The following SHROOM3 variants were observed in gnomAD, a reference collection of about 807,000 sequenced individuals.
SHROOM3 encodes shroom family member 3.
SHROOM3 carries 47 observed loss-of-function variants against 138.6 expected under a neutral mutation model. The ratio of observed to expected loss-of-function variants is 0.34; its 90% CI spans 0.27 to 0.43. The LOEUF (loss-of-function observed/expected upper bound fraction) is 0.43. Among genes scored for constraint, SHROOM3 ranks in the 20% least tolerant of loss-of-function variants. The probability of loss-of-function intolerance (pLI) is 1.00; values close to 1 mark genes in which losing one functional copy is unlikely to be tolerated. For missense variants in SHROOM3, 2,491 were observed against 2,596.5 expected, an observed-to-expected ratio of 0.96 and a Z score of 0.88; for synonymous variants, 1,062 against 1,063.3, an observed-to-expected ratio of 1.00 and a Z score of 0.02.
intron 2 of SHROOM3, among the ~76,000 whole-genome samples, chr4:76,632,527 G>A (rs1273122647): frequency 1.3e-5 from 2 of 152,172 alleles, no homozygotes; most frequent in Admixed American, 1.3e-4. Flanking sequence ...TCATTGACTT[G>A]GCAAGAGGTG....
chr4:76,656,822 C>T (rs935729162), intron 2 of SHROOM3, among the ~76,000 whole-genome samples: 2 of 152,136 alleles, frequency 1.3e-5, no homozygotes, highest in African/African-American at 2.4e-5. Context: ...AATCATCTTA[C>T]CTTCAAGAGT....
At chr4:76,494,151 C>T (rs1328756867) in intron 1 of SHROOM3, among the ~76,000 whole-genome samples, 1 of 127,974 alleles carries the variant, frequency 7.8e-6, no homozygotes, top group Non-Finnish European at 1.7e-5. Flanking sequence ...GGTGTGTGCC[C>T]CAGATTGATT....
intron 6 of SHROOM3, 72 bp from the exon 7 acceptor site, chr4:76,754,239 G>A (rs1321528433): frequency 6.3e-7 from 1 of 1,587,560 alleles, no homozygotes; most frequent in Non-Finnish European, 8.6e-7. Flanking sequence ...TCTCATCTAT[G>A]TAAGGAGCAT....
chr4:76,705,649 T>C (rs1720028853), intron 2 of SHROOM3, among the ~76,000 whole-genome samples: 1 of 152,250 alleles, frequency 6.6e-6, no homozygotes, highest in South Asian at 2.1e-4. Context: ...CTTGTTTAAC[T>C]ATCTGGAAGA....
At chr4:76,663,326 C>T (rs910152298) in intron 2 of SHROOM3, among the ~76,000 whole-genome samples, 1 of 151,896 alleles carries the variant, frequency 6.6e-6, no homozygotes, top group Admixed American at 6.6e-5. Context: ...TCACTCAACC[C>T]GGGGACCCTG....
intron 1 of SHROOM3, among the ~76,000 whole-genome samples, chr4:76,455,650 G>A (rs898332436): frequency 2.0e-5 from 3 of 152,020 alleles, no homozygotes; most frequent in African/African-American, 7.2e-5. Context: ...AAGGGTCAAA[G>A]AATATATAGA....
chr4:76,579,104 C>T (rs1354768081), intron 2 of SHROOM3, among the ~76,000 whole-genome samples: 1 of 152,044 alleles, frequency 6.6e-6, no homozygotes, highest in Non-Finnish European at 1.5e-5. Flanking sequence ...CGCTTGAGCC[C>T]GGGAGGTCAA....
intron 1 of SHROOM3, among the ~76,000 whole-genome samples, chr4:76,449,286 T>G (rs937117867): frequency 6.6e-6 from 1 of 152,186 alleles, no homozygotes; most frequent in African/African-American, 2.4e-5. Context: ...TTATTTATAT[T>G]GCTTCTTTTC....
Position 76,782,008 on chromosome 4 carries a change from C to G in SHROOM3, c.*2831C>G, listed in dbSNP as rs558322850. On this transcript the variant is annotated 3_prime_UTR_variant, in exon 11 of 11. Transcript: ENST00000296043. ...AATACTCCAAATGCAGATACTCCAG[C>G]CACCCGCAAGGTTCCAGGAAAGGAC... 4.6e-5 allele frequency: 7 copies of G among 152,316 alleles called. No homozygotes were observed. In the South Asian group the frequency reaches 1.0e-3, roughly 23 times the overall value. The allele number at this position is 152,316 out of a possible 1,614,324, so 9.4% of individuals were successfully genotyped here.
chr4:76,754,503 A>C lies in SHROOM3; in HGVS notation c.4020A>C (p.Gln1340His). The C allele has an allele frequency of 6.2e-7, 1 of 1,614,018 alleles. No homozygotes were observed. Among genetic ancestry groups the C allele is most frequent in the Middle Eastern group, 1.6e-4 (1 of 6,062 alleles). ...PCPRPPLAGT[Q>H]GLVTDTRAAP... is the part of the protein sequence containing the mutation. ...CCAGGCCACCACTGGCAGGAACGCAAGGGCTGGTCACAGACACCAGGGCTG... is the reference window on the plus strand; with the variant it reads ...CCAGGCCACCACTGGCAGGAACGCACGGGCTGGTCACAGACACCAGGGCTG... The change falls in exon 7 of 11, where the codon CAA (glutamine) becomes CAC (histidine). Residue 1340 changes from glutamine (Q) to histidine (H), a missense_variant. Transcript: ENST00000296043.
chr4:76,572,745 T>C (rs1397053244), intron 2 of SHROOM3, among the ~76,000 whole-genome samples: 2 of 151,982 alleles, frequency 1.3e-5, no homozygotes, highest in East Asian at 3.9e-4. Flanking sequence ...TAGGAAGAGA[T>C]TTATTCTGAA....
At chr4:76,720,303 A>T (rs761562393) in intron 3 of SHROOM3, among the ~76,000 whole-genome samples, 1 of 151,938 alleles carries the variant, frequency 6.6e-6, no homozygotes, top group Admixed American at 6.6e-5. Context: ...TTGAAGGACA[A>T]TGGCCACCTT....
chr4:76,627,766 G>C (rs981408289), intron 2 of SHROOM3, among the ~76,000 whole-genome samples: 2 of 151,564 alleles, frequency 1.3e-5, no homozygotes, highest in African/African-American at 2.4e-5. Context: ...TTGAACTCCT[G>C]GTCTCAAATG....
chr4:76,496,059 C>A (rs1311361144), intron 1 of SHROOM3, among the ~76,000 whole-genome samples: 3 of 152,310 alleles, frequency 2.0e-5, no homozygotes, highest in Middle Eastern at 6.8e-3. Context: ...ATACAGGTAA[C>A]AAGTGTCAAG....
intron 1 of SHROOM3, among the ~76,000 whole-genome samples, chr4:76,534,467 G>A (rs552125122): frequency 5.1e-4 from 78 of 152,162 alleles, no homozygotes; most frequent in African/African-American, 1.2e-3. Context: ...TTTGAGCTCC[G>A]TAGCACATCT....
chr4:76,528,942 A>AT (rs1203800908), intron 1 of SHROOM3, among the ~76,000 whole-genome samples: 1 of 152,158 alleles, frequency 6.6e-6, no homozygotes, highest in African/African-American at 2.4e-5. Context: ...ATGGGTGGGC[A>AT]ACTGTGACGT....
intron 3 of SHROOM3, chr4:76,716,248 A>G: frequency 2.0e-6 from 1 of 506,718 alleles, no homozygotes; most frequent in Non-Finnish European, 4.0e-6. Context: ...AAGGCGATTC[A>G]GGCCGTCCAA....
chr4:76,455,339 G>T (rs2109972175), intron 1 of SHROOM3, among the ~76,000 whole-genome samples: 1 of 151,930 alleles, frequency 6.6e-6, no homozygotes, highest in East Asian at 1.9e-4. Flanking sequence ...TCAAAAGATG[G>T]ATAAATATTT....
At chr4:76,737,471 T>TAAGA (rs1721107368) in intron 4 of SHROOM3, among the ~76,000 whole-genome samples, 1 of 152,138 alleles carries the variant, frequency 6.6e-6, no homozygotes, top group East Asian at 1.9e-4. Flanking sequence ...GATCTTATGG[T>TAAGA]AAGAGTATGT....
Sources: gnomAD v4.1 joint callset for allele counts (sites outside exome capture counted in the v4.1 genomes callset) on GRCh38, gnomAD v4.1.1 for gene constraint, MANE v1.5 for transcripts, NCBI Gene and HGNC (gene_info 2026-07-23, HGNC 2026-07-21) for gene names.